Variants in GAS7 observed in about 807,000 individuals in gnomAD.
GAS7 encodes the protein growth arrest-specific protein 7.
Under a neutral mutation model 71.1 loss-of-function variants are expected in GAS7, and 28 were observed. The ratio of observed to expected loss-of-function variants is 0.39; its 90% CI spans 0.29 to 0.54. The LOEUF (loss-of-function observed/expected upper bound fraction) is 0.54, where lower values mean the gene tolerates loss of function less well. GAS7 is among the 20% of genes least tolerant of loss of function. The pLI is 0.62. For missense variants in GAS7, 436 were observed against 627.8 expected (o/e 0.69, Z 3.27); for synonymous variants, 258 against 245.8 (o/e 1.05, Z -0.46).
intron 1 of GAS7, among the ~76,000 whole-genome samples, chr17:10,069,277 C>T (rs2073315583): frequency 6.6e-6 from 1 of 152,186 alleles, no homozygotes; most frequent in Non-Finnish European, 1.5e-5. Context: ...GGGATTTCCC[C>T]TTTTGTCTGC....
chr17:10,185,506 C>A (rs1257992792), intron 1 of GAS7, among the ~76,000 whole-genome samples: 1 of 152,192 alleles, frequency 6.6e-6, no homozygotes, highest in East Asian at 1.9e-4. Flanking sequence ...GCAGAATGCA[C>A]CCCTTCCTCT....
rs560150487 is a variant in GAS7, at chr17:10,195,304, G to A, written c.183+2904C>T. ...AGTTAGCTCCCAACTCCCCTCCCCCGTGTATGCTTCCTGCAAAGGCTGGGT... is the reference window on the plus strand; with the variant it reads ...AGTTAGCTCCCAACTCCCCTCCCCCATGTATGCTTCCTGCAAAGGCTGGGT... On this transcript the variant is annotated intron_variant, in intron 1 of 13. Coordinates refer to ENST00000432992, the MANE Select transcript of GAS7 (RefSeq NM_201433.2). Among the ~76,000 whole-genome samples, 70 of 152,174 alleles carry A rather than the reference G, an allele frequency of 4.6e-4. 1 individual carries two copies. The highest frequency in any genetic ancestry group is 1.4e-3 in the Admixed American group (22 of 15,286).
At chr17:9,968,014 TGAG>T (rs2069793091) in intron 4 of GAS7, among the ~76,000 whole-genome samples, 1 of 152,240 alleles carries the variant, frequency 6.6e-6, no homozygotes, top group Non-Finnish European at 1.5e-5. Flanking sequence ...AGAATGATTT[TGAG>T]GATGGGGAGC....
intron 1 of GAS7, among the ~76,000 whole-genome samples, chr17:10,164,140 A>C (rs1425928435): frequency 6.6e-6 from 1 of 152,120 alleles, no homozygotes; most frequent in Non-Finnish European, 1.5e-5. Context: ...CTGTGCAGCC[A>C]GGATTAGGAA....
chr17:10,148,649 C>T (rs1038468283), intron 1 of GAS7, among the ~76,000 whole-genome samples: 4 of 149,758 alleles, frequency 2.7e-5, no homozygotes, highest in Non-Finnish European at 5.9e-5. Flanking sequence ...CGGTGGCTCA[C>T]GCCTGTAATC....
chr17:10,047,559 C>T (rs564810716), intron 1 of GAS7, among the ~76,000 whole-genome samples: 1 of 152,174 alleles, frequency 6.6e-6, no homozygotes, highest in East Asian at 1.9e-4. Flanking sequence ...AAACACCATC[C>T]TGAAAGCACA....
intron 1 of GAS7, among the ~76,000 whole-genome samples, chr17:10,076,213 G>A (rs1268392787): frequency 3.9e-5 from 1 of 25,506 alleles, no homozygotes; most frequent in African/African-American, 1.8e-4. Flanking sequence ...GAAGTGGGAG[G>A]GGGAGGGGGA....
intron 9 of GAS7, 98 bp downstream of exon 9, chr17:9,934,068 G>A (rs1752676134): frequency 6.0e-6 from 5 of 837,046 alleles, no homozygotes; most frequent in African/African-American, 1.7e-5. Flanking sequence ...TTTACACCAG[G>A]GAAAATGGCA....
In GAS7 at chr17:9,915,544, C is replaced by T. The variant is rs568529066; in HGVS notation, c.*1684G>A. 21 of 225,348 alleles carry T rather than the reference C, an allele frequency of 9.3e-5. No homozygotes were observed. Among genetic ancestry groups the T allele is most frequent in the Admixed American group, 8.0e-4 (14 of 17,518 alleles). 14.0% of individuals were successfully genotyped at this position (225,348 alleles called of 1,614,324 possible). On this transcript the variant is annotated 3_prime_UTR_variant, in exon 14 of 14. Coordinates refer to ENST00000432992, the MANE Select transcript of GAS7 (RefSeq NM_201433.2). ...TTCAAGAACAAGAGAAAAGTGACAA[C>T]GTTTGGTTTACTTTAGTATATTAGG...
intron 1 of GAS7, among the ~76,000 whole-genome samples, chr17:10,189,941 A>C (rs1402483154): frequency 7.7e-5 from 11 of 143,526 alleles, no homozygotes; most frequent in African/African-American, 2.8e-4. Context: ...TCCATCTCCC[A>C]AAAAAAAAAA....
intron 1 of GAS7, among the ~76,000 whole-genome samples, chr17:10,039,247 G>A (rs900029907): frequency 2.1e-4 from 31 of 147,780 alleles, no homozygotes; most frequent in Non-Finnish European, 3.6e-4. Flanking sequence ...AAGCCCCCAA[G>A]ACCCACAGAG....
At chr17:9,970,367 T>C (rs191161480) in intron 3 of GAS7, among the ~76,000 whole-genome samples, 2 of 152,310 alleles carry the variant, frequency 1.3e-5, no homozygotes, top group Admixed American at 1.3e-4. Context: ...CTGGGGCTCA[T>C]GTCTGTAATC....
At chr17:9,983,558 G>T (rs905245104) in intron 2 of GAS7, among the ~76,000 whole-genome samples, 1 of 151,842 alleles carries the variant, frequency 6.6e-6, no homozygotes, top group African/African-American at 2.4e-5. Context: ...AGGCCGAGGC[G>T]GGTGGATCAC....
At position 10,005,159 on chromosome 17, in the gene GAS7, G is replaced by GTATGTACATGCATACATGCATGTGTATC. The variant is rs1360697061; in HGVS notation, c.304+14617_304+14618insGATACACATGCATGTATGCATGTACATA. ...TGTGCGCGCACGCATGCATGCATGT[G>GTATGTACATGCATACATGCATGTGTATC]TGTGCGCACGCATGCATGTATGTGT... On this transcript the variant is annotated intron_variant, in intron 2 of 13. Coordinates refer to ENST00000432992, the MANE Select transcript of GAS7 (RefSeq NM_201433.2). 2.4e-3 allele frequency among the ~76,000 whole-genome samples: 179 copies of GTATGTACATGCATACATGCATGTGTATC among 74,680 alleles called. 2 individuals are homozygous for GTATGTACATGCATACATGCATGTGTATC. The highest frequency in any genetic ancestry group is 4.7e-3 in the African/African-American group (167 of 35,344). 49.0% of individuals were successfully genotyped at this position (74,680 alleles called of 152,430 possible).
At chr17:10,132,790 T>C (rs2142088475) in intron 1 of GAS7, among the ~76,000 whole-genome samples, 1 of 152,114 alleles carries the variant, frequency 6.6e-6, no homozygotes, top group African/African-American at 2.4e-5. Flanking sequence ...TAAAGCAATT[T>C]AATCTTTAAA....
At chr17:10,117,241 C>T (rs962426375) in intron 1 of GAS7, among the ~76,000 whole-genome samples, 1 of 152,116 alleles carries the variant, frequency 6.6e-6, no homozygotes, top group African/African-American at 2.4e-5. Context: ...ATCACATCTC[C>T]TAACACTGAT....
At chr17:10,142,860 T>C (rs1872983974) in intron 1 of GAS7, among the ~76,000 whole-genome samples, 2 of 152,110 alleles carry the variant, frequency 1.3e-5, no homozygotes, top group South Asian at 4.1e-4. Context: ...ACAGGGAGTG[T>C]GTCATGAACT....
At chr17:10,074,540 T>C (rs552397297) in intron 1 of GAS7, among the ~76,000 whole-genome samples, 9 of 152,274 alleles carry the variant, frequency 5.9e-5, no homozygotes, top group Middle Eastern at 6.8e-3. Flanking sequence ...GGTTATTTGT[T>C]CTCTCCTGCC....
At chr17:10,053,962 G>T (rs2073099562) in intron 1 of GAS7, among the ~76,000 whole-genome samples, 1 of 152,138 alleles carries the variant, frequency 6.6e-6, no homozygotes, top group East Asian at 1.9e-4. Flanking sequence ...TGGATCCGTA[G>T]GTTTGGGTAC....
Sources: gnomAD v4.1 joint callset for allele counts (sites outside exome capture counted in the v4.1 genomes callset) on GRCh38, gnomAD v4.1.1 for gene constraint, MANE v1.5 for transcripts, NCBI Gene and HGNC (gene_info 2026-07-23, HGNC 2026-07-21) for gene names.